CA5B: variants seen among roughly 807,000 people sequenced by gnomAD.
CA5B encodes the protein carbonic anhydrase 5B.
CA5B carries 15 observed loss-of-function variants against 23.1 expected under a neutral mutation model. The observed-to-expected ratio is 0.65, with a 90% CI of 0.43 to 1.00. The LOEUF (loss-of-function observed/expected upper bound fraction) is 1.00. CA5B is among the 50% of genes least tolerant of loss of function. The probability of loss-of-function intolerance (pLI) is 0.00; values close to 1 mark genes in which losing one functional copy is unlikely to be tolerated. For synonymous variants in CA5B, 84 were observed against 98.5 expected (o/e 0.85, Z 0.87); for missense variants, 236 against 252.2 (o/e 0.94, Z 0.43).
chrX:15,776,991 G>C, intron 7 of CA5B, 122 bp downstream of exon 7: 1 of 530,062 alleles, frequency 1.9e-6, no homozygotes, highest in Non-Finnish European at 3.0e-6. Context: ...TTATTGAAGT[G>C]TACCAACGTC....
intron 3 of CA5B, among the ~76,000 whole-genome samples, chrX:15,771,300 G>A (rs1278506661): frequency 6.6e-5 from 7 of 105,399 alleles, no homozygotes; most frequent in Admixed American, 5.0e-4. Flanking sequence ...GAGCCCAGGA[G>A]GCAGAGGTTG....
intron 6 of CA5B, among the ~76,000 whole-genome samples, chrX:15,776,353 A>G (rs905427748): frequency 1.9e-4 from 21 of 108,100 alleles, no homozygotes; most frequent in Admixed American, 4.0e-4. Context: ...AAAAAAAAAA[A>G]AAAAGAAAAA....
At chrX:15,772,399 A>C (rs1419952316) in intron 3 of CA5B, 97 bp from the exon 4 acceptor site, 1 of 517,710 alleles carries the variant, frequency 1.9e-6, no homozygotes, top group Non-Finnish European at 3.4e-6. Context: ...CATTTAAGAC[A>C]GTTCACATGG....
chrX:15,781,321 C>T (rs1032120716), intron 7 of CA5B, among the ~76,000 whole-genome samples: 11 of 111,853 alleles, frequency 9.8e-5, no homozygotes, highest in Non-Finnish European at 1.7e-4. Flanking sequence ...AACCAAGGGG[C>T]TACTGGTTGA....
At chrX:15,776,574 G>A in intron 6 of CA5B, 140 bp from the exon 7 acceptor site, 1 of 456,719 alleles carries the variant, frequency 2.2e-6, no homozygotes, top group South Asian at 3.8e-5. Flanking sequence ...GATTCTTCAG[G>A]TAGCTGCCCA....
chrX:15,777,021 AATTTGGGG>A (rs1246626425), intron 7 of CA5B, 152 bp downstream of exon 7: 1 of 438,574 alleles, frequency 2.3e-6, no homozygotes, highest in Non-Finnish European at 3.8e-6. Context: ...TTTGGACATG[AATTTGGGG>A]ATGTTTCAAA....
At chrX:15,752,655 G>A (rs1432880133) in intron 2 of CA5B, among the ~76,000 whole-genome samples, 2 of 110,126 alleles carry the variant, frequency 1.8e-5, no homozygotes, top group Non-Finnish European at 3.8e-5. Context: ...AACCCGGGAG[G>A]CGGAGCTTGC....
At chrX:15,781,934 AAAAAG>A (rs752171281) in intron 7 of CA5B, among the ~76,000 whole-genome samples, 15 of 110,356 alleles carry the variant, frequency 1.4e-4, no homozygotes, top group South Asian at 7.7e-4. Context: ...AAACAAAAAA[AAAAAG>A]AAAGAAAGAA....
At chrX:15,749,801 C>A in intron 1 of CA5B, 170 bp from the exon 2 acceptor site, 1 of 379,252 alleles carries the variant, frequency 2.6e-6, no homozygotes, top group Non-Finnish European at 4.5e-6. Flanking sequence ...CTGAGGGGAC[C>A]AATGAGTTTG....
intron 1 of CA5B, among the ~76,000 whole-genome samples, chrX:15,747,849 GAC>G (rs1931267407): frequency 9.0e-6 from 1 of 111,023 alleles, no homozygotes; most frequent in African/African-American, 3.3e-5. Context: ...TAACGACAGG[GAC>G]ACACACGTGG....
chrX:15,752,084 C>A (rs181513505), intron 2 of CA5B, among the ~76,000 whole-genome samples: 3 of 111,667 alleles, frequency 2.7e-5, no homozygotes, highest in South Asian at 7.5e-4. Flanking sequence ...AGAACACATG[C>A]CCAAGGTGGT....
chrX:15,749,940 A>G, intron 1 of CA5B, 31 bp from the exon 2 acceptor site: 2 of 1,092,599 alleles, frequency 1.8e-6, no homozygotes, highest in African/African-American at 1.8e-5. Context: ...TGTTGTTTAC[A>G]GCTTTCCCTC....
rs1005216447 is a variant in CA5B, at chrX:15,783,670, A to G, written c.*1006A>G. On this transcript the variant is annotated 3_prime_UTR_variant, in exon 8 of 8. Transcript: ENST00000318636. The stretch of plus-strand genomic sequence containing the variant: ...GCCAGGCATGGTGGTGAGCACCTGT[A>G]ATGCCAGCTACTCGGGAAGCTGAGG... The G allele has an allele frequency of 9.3e-6, 1 of 107,409 alleles. No homozygotes were observed. The allele number at this position is 107,409 out of a possible 1,213,427, so 8.9% of individuals were successfully genotyped here. A position where few individuals can be genotyped will look rare whatever the true frequency, so the allele number is the denominator to read the frequency against.
rs893502526 is a variant in CA5B, at chrX:15,763,026, C to T, written c.143-1552C>T. 28 of 269,770 alleles carry T rather than the reference C, an allele frequency of 1.0e-4. No individual in the cohort carries two copies. The Admixed American group carries it at 1.2e-3, about 12-fold the overall frequency. The allele number at this position is 269,770 out of a possible 1,213,427, so 22.2% of individuals were successfully genotyped here. On this transcript the variant is annotated intron_variant, in intron 2 of 7. Transcript: ENST00000318636. ...CTGTGGAGGATAAATTATATGTGTA[C>T]ACCTTAATAGATAATCTCCACATCC...
At chrX:15,754,607 A>G (rs1931453379) in intron 2 of CA5B, among the ~76,000 whole-genome samples, 1 of 112,655 alleles carries the variant, frequency 8.9e-6, no homozygotes, top group Non-Finnish European at 1.9e-5. Flanking sequence ...CTATTATCCA[A>G]TGTGGAAATA....
intron 3 of CA5B, among the ~76,000 whole-genome samples, chrX:15,766,078 A>C (rs1601789053): frequency 9.7e-6 from 1 of 103,244 alleles, no homozygotes; most frequent in East Asian, 3.0e-4. Flanking sequence ...AATTACTTGA[A>C]CCTGGGAGGC....
chrX:15,749,217 G>A (rs373778828), intron 1 of CA5B, among the ~76,000 whole-genome samples: 12 of 111,666 alleles, frequency 1.1e-4, no homozygotes, highest in African/African-American at 3.6e-4. Flanking sequence ...GGATGAAGCA[G>A]TATTGTGGTG....
chrX:15,780,429 C>T (rs749762372), intron 7 of CA5B, among the ~76,000 whole-genome samples: 2 of 110,260 alleles, frequency 1.8e-5, no homozygotes, highest in East Asian at 2.8e-4. Flanking sequence ...CCCGCCACCA[C>T]GCCTGGCTAA....
intron 2 of CA5B, among the ~76,000 whole-genome samples, chrX:15,760,638 C>G (rs185180992): frequency 1.5e-4 from 17 of 111,372 alleles, no homozygotes; most frequent in African/African-American, 5.5e-4. Flanking sequence ...CCTAATCACT[C>G]CAGTTCTTCC....
Sources: allele counts gnomAD v4.1 joint callset (sites outside exome capture counted in the v4.1 genomes callset), GRCh38; gene constraint gnomAD v4.1.1; transcripts MANE v1.5; gene names NCBI Gene and HGNC (gene_info 2026-07-23, HGNC 2026-07-21).